DISC1: variants seen among roughly 807,000 people sequenced by gnomAD.
The protein encoded by DISC1 is DISC1 scaffold protein.
In DISC1, 57 loss-of-function variants were observed where a neutral mutation model predicts 84.5. That is an observed-to-expected ratio of 0.67 (90% CI 0.55 to 0.84). DISC1 has a LOEUF of 0.84. DISC1 is among the 40% of genes least tolerant of loss of function. The probability of loss-of-function intolerance (pLI) is 0.00; values close to 1 mark genes in which losing one functional copy is unlikely to be tolerated. For missense variants in DISC1, 1,000 were observed against 1,057.8 expected (o/e 0.95, Z 0.76); for synonymous variants, 411 against 415.2 (o/e 0.99, Z 0.12).
chr1:231,674,761 A>C (rs1187760731), intron 1 of DISC1, among the ~76,000 whole-genome samples: 2 of 152,258 alleles, frequency 1.3e-5, no homozygotes, highest in Non-Finnish European at 2.9e-5. Flanking sequence ...GTTCTGCCTA[A>C]GAGCAAAGTT....
chr1:231,819,348 G>T (rs2081320893), intron 9 of DISC1: 1 of 198,104 alleles, frequency 5.0e-6, no homozygotes, highest in African/African-American at 2.4e-5. Context: ...AGTAAATGAA[G>T]AGTAGTATTT....
chr1:231,885,213 G>A (rs1041713587), intron 9 of DISC1, among the ~76,000 whole-genome samples: 3 of 152,216 alleles, frequency 2.0e-5, no homozygotes, highest in South Asian at 4.1e-4. Flanking sequence ...TGACAGGTGG[G>A]ATCTCTCATG....
chr1:231,731,234 A>C lies in DISC1; in HGVS notation c.1118-18692A>C, dbSNP rs191491505. On this transcript the variant is annotated intron_variant, in intron 3 of 12. Coordinates refer to ENST00000439617, the MANE Select transcript of DISC1 (RefSeq NM_018662.3). ...AGGAGGGTTCTTGGCTTTGCCCAGG[A>C]AAGAATTCAAGGGAAAGATGGTGGT... 2.6e-5 allele frequency among the ~76,000 whole-genome samples: 4 copies of C among 152,376 alleles called. No individual in the cohort carries two copies. The East Asian group carries it at 7.7e-4, about 29-fold the overall frequency.
intron 1 of DISC1, among the ~76,000 whole-genome samples, chr1:231,689,505 T>A (rs1049507580): frequency 2.6e-5 from 4 of 152,022 alleles, no homozygotes; most frequent in Non-Finnish European, 5.9e-5. Context: ...CTAATTTTTG[T>A]ATTTTTAGTA....
chr1:231,956,372 G>C lies in DISC1; in HGVS notation c.1982-2456G>C, dbSNP rs140370211. ...TTGTTAACCTGTCTTTTGTTATAGG[G>C]GTGTCAGCCATGACCCTGGTGATGG... On this transcript the variant is annotated intron_variant, in intron 9 of 12. Coordinates refer to ENST00000439617, the MANE Select transcript of DISC1 (RefSeq NM_018662.3). Among the ~76,000 whole-genome samples the C allele has an allele frequency of 5.3e-5, 8 of 151,986 alleles. No homozygotes were observed. The East Asian group carries it at 1.4e-3, about 26-fold the overall frequency.
intron 1 of DISC1, among the ~76,000 whole-genome samples, chr1:231,640,757 A>C (rs1052448511): frequency 6.6e-6 from 1 of 151,378 alleles, no homozygotes; most frequent in African/African-American, 2.5e-5. Context: ...GCTGGTCTCA[A>C]ACTGCTGGGC....
At chr1:231,859,419 A>G (rs2084492934) in intron 9 of DISC1, among the ~76,000 whole-genome samples, 1 of 152,094 alleles carries the variant, frequency 6.6e-6, no homozygotes, top group Non-Finnish European at 1.5e-5. Context: ...AGGTTCATAG[A>G]TGGTGCCTTT....
intron 10 of DISC1, among the ~76,000 whole-genome samples, chr1:231,999,849 A>AACAACAAC (rs1666441236): frequency 2.2e-5 from 3 of 135,522 alleles, no homozygotes; most frequent in Non-Finnish European, 4.9e-5. Flanking sequence ...ACAACAACAA[A>AACAACAAC]ACAACCAACT....
chr1:231,832,367 T>C (rs2082299312), intron 9 of DISC1, among the ~76,000 whole-genome samples: 1 of 151,460 alleles, frequency 6.6e-6, no homozygotes, highest in East Asian at 2.0e-4. Flanking sequence ...GGTGCGGTCC[T>C]GGCTCTTGTG....
intron 11 of DISC1, among the ~76,000 whole-genome samples, chr1:232,016,700 A>G (rs1036209397): frequency 1.8e-4 from 28 of 152,250 alleles, no homozygotes; most frequent in Non-Finnish European, 3.8e-4. Context: ...TCTGTTAATT[A>G]CTTTTATTTA....
intron 9 of DISC1, among the ~76,000 whole-genome samples, chr1:231,895,337 T>C (rs12036931): frequency 0.12 from 17,751 of 151,618 alleles, 1,210 homozygotes; most frequent in East Asian, 0.29. Flanking sequence ...CTCATAAATA[T>C]TTTATATGTA....
intron 9 of DISC1, among the ~76,000 whole-genome samples, chr1:231,831,859 T>TGC (rs2082257847): frequency 6.9e-6 from 1 of 144,626 alleles, no homozygotes; most frequent in African/African-American, 2.6e-5. Context: ...TGGGGGGGGG[T>TGC]GGGCAGAGTG....
intron 12 of DISC1, among the ~76,000 whole-genome samples, chr1:232,030,865 C>A (rs1316111835): frequency 6.6e-6 from 1 of 152,088 alleles, no homozygotes; most frequent in Non-Finnish European, 1.5e-5. Flanking sequence ...TTAATCCCGG[C>A]ACTTTGGGAG....
intron 9 of DISC1, among the ~76,000 whole-genome samples, chr1:231,929,990 C>T (rs893967078): frequency 6.6e-5 from 10 of 152,156 alleles, no homozygotes; most frequent in African/African-American, 2.2e-4. Context: ...CTGCAGGTAG[C>T]GTGGGATTGA....
chr1:231,940,137 C>T (rs1394433824), intron 9 of DISC1, among the ~76,000 whole-genome samples: 2 of 152,190 alleles, frequency 1.3e-5, no homozygotes, highest in East Asian at 1.9e-4. Flanking sequence ...AAGTGCCTTT[C>T]CTGGTGCTCA....
chr1:231,678,355 C>T (rs1478311387), intron 1 of DISC1, among the ~76,000 whole-genome samples: 2 of 152,260 alleles, frequency 1.3e-5, no homozygotes, highest in East Asian at 1.9e-4. Flanking sequence ...GCTCGGCAGG[C>T]GGGCAGCTCT....
intron 4 of DISC1, among the ~76,000 whole-genome samples, chr1:231,763,384 A>G (rs1445496090): frequency 6.6e-6 from 1 of 152,188 alleles, no homozygotes; most frequent in Non-Finnish European, 1.5e-5. Flanking sequence ...TTATTTTATT[A>G]TTATCAGTTT....
intron 3 of DISC1, chr1:231,723,617 T>C: frequency 6.1e-6 from 6 of 985,486 alleles, no homozygotes; most frequent in Non-Finnish European, 6.0e-6. Context: ...TTCTGTCTTA[T>C]AACAGTCTGC....
Position 231,852,171 on chromosome 1 carries a change from G to A in DISC1, c.1981+33654G>A, listed in dbSNP as rs369628335. 6.6e-5 allele frequency among the ~76,000 whole-genome samples: 10 copies of A among 152,272 alleles called. No individual in the cohort carries two copies. The South Asian group carries it at 1.5e-3, about 22-fold the overall frequency. On this transcript the variant is annotated intron_variant, in intron 9 of 12. Coordinates refer to ENST00000439617, the MANE Select transcript of DISC1 (RefSeq NM_018662.3). ...CATGGGATTAAACACCAGTCGGCTC[G>A]TCTCCAAAGGCCTGACTGACAAAAA...
Sources: gnomAD v4.1 joint callset for allele counts (sites outside exome capture counted in the v4.1 genomes callset) on GRCh38, gnomAD v4.1.1 for gene constraint, MANE v1.5 for transcripts, NCBI Gene and HGNC (gene_info 2026-07-23, HGNC 2026-07-21) for gene names.